TLL2: variants seen among roughly 807,000 people sequenced by gnomAD.
TLL2 encodes the protein tolloid-like protein 2.
Under a neutral mutation model 123.0 loss-of-function variants are expected in TLL2, and 106 were observed. The observed-to-expected ratio is 0.86, with a 90% CI of 0.74 to 1.01. The LOEUF (loss-of-function observed/expected upper bound fraction) is 1.01. Ranked by LOEUF, TLL2 falls within the 50% of genes least tolerant of loss-of-function variation. The pLI, the probability that TLL2 is intolerant of heterozygous loss-of-function variation, is 0.00. For missense variants in TLL2, 1,332 were observed against 1,336.7 expected (o/e 1.00, Z 0.06); for synonymous variants, 494 against 516.8 (o/e 0.96, Z 0.60).
intron 15 of TLL2, 65 bp downstream of exon 15, chr10:96,385,990 A>G (rs554830221): frequency 2.1e-6 from 3 of 1,434,760 alleles, no homozygotes; most frequent in African/African-American, 2.9e-5. Context: ...CCAGCCCCTC[A>G]CTGGTTTCCA....
At chr10:96,439,447 C>T (rs192257237) in intron 3 of TLL2, among the ~76,000 whole-genome samples, 2 of 152,108 alleles carry the variant, frequency 1.3e-5, no homozygotes, top group East Asian at 1.9e-4. Flanking sequence ...TCTCTCTCTG[C>T]CTTATGCCCC....
chr10:96,504,984 G>A (rs1847565648), intron 1 of TLL2, among the ~76,000 whole-genome samples: 1 of 152,086 alleles, frequency 6.6e-6, no homozygotes, highest in South Asian at 2.1e-4. Flanking sequence ...CTCCAGCCTG[G>A]GCGACAGAGC....
chr10:96,382,519 G>A (rs1362346088), intron 16 of TLL2, among the ~76,000 whole-genome samples: 1 of 152,230 alleles, frequency 6.6e-6, no homozygotes, highest in Non-Finnish European at 1.5e-5. Context: ...AGGGTGCTAC[G>A]GTTTGAATGG....
intron 1 of TLL2, among the ~76,000 whole-genome samples, chr10:96,498,969 T>C (rs6584081): frequency 0.6 from 90,619 of 152,080 alleles, 27,218 homozygotes; most frequent in Middle Eastern, 0.76. Flanking sequence ...AGCCAATGTC[T>C]GAGATACCAA....
At chr10:96,494,426 T>C (rs1486922469) in intron 1 of TLL2, among the ~76,000 whole-genome samples, 1 of 152,198 alleles carries the variant, frequency 6.6e-6, no homozygotes, top group South Asian at 2.1e-4. Context: ...ATCCTGGCCA[T>C]ATGCCCTGCC....
At chr10:96,419,094 T>TC (rs1399436088) in intron 7 of TLL2, among the ~76,000 whole-genome samples, 2 of 151,940 alleles carry the variant, frequency 1.3e-5, no homozygotes, top group African/African-American at 4.8e-5. Flanking sequence ...AAGCATTGCC[T>TC]CCCCCTTGGA....
chr10:96,404,182 TG>T (rs1846427150), intron 10 of TLL2, among the ~76,000 whole-genome samples: 1 of 152,218 alleles, frequency 6.6e-6, no homozygotes, highest in South Asian at 2.1e-4. Flanking sequence ...CTCTATACTT[TG>T]TCTCTGTGTC....
At chr10:96,419,252 C>A (rs1846595878) in intron 7 of TLL2, among the ~76,000 whole-genome samples, 1 of 152,102 alleles carries the variant, frequency 6.6e-6, no homozygotes, top group Non-Finnish European at 1.5e-5. Flanking sequence ...AATCTGTCAA[C>A]CCCTCACCCA....
At chr10:96,397,752 A>C (rs555625452) in intron 10 of TLL2, among the ~76,000 whole-genome samples, 2 of 152,252 alleles carry the variant, frequency 1.3e-5, no homozygotes, top group Non-Finnish European at 2.9e-5. Context: ...GCAAAGAAAT[A>C]AAACCATCTT....
At position 96,373,713 on chromosome 10, in the gene TLL2, G is replaced by A. The variant is rs1412140309; in HGVS notation, c.2545C>T (p.Arg849Cys). The A allele has an allele frequency of 2.5e-6, 4 of 1,614,250 alleles. No homozygotes were observed. Among genetic ancestry groups the A allele is most frequent in the Non-Finnish European group, 1.7e-6 (2 of 1,180,046 alleles). The stretch of plus-strand genomic sequence containing the variant: ...TCTGGTTTCTTGCTGCCGCAGAAAC[G>A]GCCCAGAATGGGGGCCAGGCTGTCC... Reference protein sequence around the residue: ...GPDSLAPILGRFCGSKKPDPT... With the variant: ...GPDSLAPILGCFCGSKKPDPT... The change falls in exon 19 of 21, where the codon CGT becomes TGT. Residue 849 changes from arginine (R) to cysteine (C), a missense_variant. Physicochemically the swap from Arg to Cys is radical, Grantham distance 180 (BLOSUM62 -3). Transcript: ENST00000357947.
At chr10:96,429,203 T>C (rs951208404) in intron 4 of TLL2, among the ~76,000 whole-genome samples, 1 of 152,158 alleles carries the variant, frequency 6.6e-6, no homozygotes, top group Non-Finnish European at 1.5e-5. Context: ...TGAAATTTGA[T>C]AAAAGAACAG....
chr10:96,429,758 CA>C (rs1351455888), intron 4 of TLL2, among the ~76,000 whole-genome samples: 1 of 152,168 alleles, frequency 6.6e-6, no homozygotes, highest in Non-Finnish European at 1.5e-5. Context: ...CACGGGGTTT[CA>C]GTGTCTTGTG....
intron 2 of TLL2, among the ~76,000 whole-genome samples, chr10:96,479,921 A>G (rs1442095889): frequency 6.6e-6 from 1 of 152,024 alleles, no homozygotes; most frequent in East Asian, 1.9e-4. Flanking sequence ...CCTTCAAGAC[A>G]CCACACACAA....
At chr10:96,455,437 G>C (rs1169301165) in intron 2 of TLL2, among the ~76,000 whole-genome samples, 1 of 152,060 alleles carries the variant, frequency 6.6e-6, no homozygotes, top group Non-Finnish European at 1.5e-5. Context: ...AGGCCTACTG[G>C]GCTGCATTCC....
chr10:96,453,976 T>A (rs1282701715), intron 2 of TLL2, among the ~76,000 whole-genome samples: 1 of 151,740 alleles, frequency 6.6e-6, no homozygotes, highest in Admixed American at 6.6e-5. Context: ...CTAGATTACA[T>A]CATACACTAT....
rs565752434 is a variant in TLL2 at position 96,473,833 on chromosome 10, C to T, written c.286+6516G>A. ...CAGACTTCCTGGACTCTTTGGGGAA[C>T]AAACAAACAAACAGAAAGTTCAAAG... On this transcript the variant is annotated intron_variant, in intron 2 of 20. Coordinates refer to ENST00000357947, the MANE Select transcript of TLL2 (RefSeq NM_012465.4). Among the ~76,000 whole-genome samples, 11 of 152,166 alleles carry T rather than the reference C, an allele frequency of 7.2e-5. No homozygotes were observed. The South Asian group carries it at 2.3e-3, about 32-fold the overall frequency.
rs756226449 is a variant in TLL2, at chr10:96,373,807, G to T, written c.2451C>A (p.Thr817=). 1.1e-5 allele frequency: 17 copies of T among 1,613,198 alleles called. No individual in the cohort carries two copies. The South Asian group carries it at 1.5e-4, about 15-fold the overall frequency. The change falls in exon 19 of 21, where the codon ACC becomes ACA. Residue 817 remains threonine, a splice_region_variant and synonymous_variant. Transcript: ENST00000357947. ...GCTGCTCGATCTCAAACTCATTAAA[G>T]GTCTGGGGACAGAAGAGCAGAAAGT... ...SSTAGHRVKL[T]FNEFEIEQHQ...
chr10:96,405,341 A>G lies in TLL2; in HGVS notation c.1165-7T>C. On this transcript the variant is annotated splice_region_variant and splice_polypyrimidine_tract_variant and intron_variant, in intron 9 of 20. Coordinates refer to ENST00000357947, the MANE Select transcript of TLL2 (RefSeq NM_012465.4). ...ATGTGAAGTTTAATACGATCTGTAAAGAATTACCATAAAGTGAGTTTTGGC... is the reference window on the plus strand; with the variant it reads ...ATGTGAAGTTTAATACGATCTGTAAGGAATTACCATAAAGTGAGTTTTGGC... 6.2e-7 allele frequency: 1 copy of G among 1,613,882 alleles called. No homozygotes were observed. Among genetic ancestry groups the G allele is most frequent in the Non-Finnish European group, 8.5e-7 (1 of 1,179,766 alleles).
At chr10:96,485,406 G>A (rs1401455674) in intron 1 of TLL2, among the ~76,000 whole-genome samples, 1 of 152,148 alleles carries the variant, frequency 6.6e-6, no homozygotes, top group Non-Finnish European at 1.5e-5. Flanking sequence ...TATCTTATAA[G>A]AGCCTAGAAT....
Sources: allele counts gnomAD v4.1 joint callset (sites outside exome capture counted in the v4.1 genomes callset), GRCh38; gene constraint gnomAD v4.1.1; transcripts MANE v1.5; gene names NCBI Gene and HGNC (gene_info 2026-07-23, HGNC 2026-07-21).